NOVA2: variants seen among roughly 807,000 people sequenced by gnomAD.
The protein encoded by NOVA2 is RNA-binding protein Nova-2.
NOVA2 carries 9 observed loss-of-function variants against 22.5 expected under a neutral mutation model. The ratio of observed to expected loss-of-function variants is 0.40; its 90% CI spans 0.24 to 0.70. The LOEUF is 0.70. Ranked by LOEUF, NOVA2 falls within the 30% of genes least tolerant of loss-of-function variation. The pLI is 0.38. For missense variants in NOVA2, 383 were observed against 682.8 expected (o/e 0.56, Z 4.89); for synonymous variants, 318 against 335.2 (o/e 0.95, Z 0.56).
intron 2 of NOVA2, among the ~76,000 whole-genome samples, chr19:45,959,695 GGAGA>G (rs146063602): frequency 1.3e-5 from 2 of 149,008 alleles, no homozygotes; most frequent in South Asian, 2.1e-4. Flanking sequence ...GGTGGATGGT[GGAGA>G]GAGAGAGAGA....
chr19:45,948,347 C>A (rs974489241), intron 3 of NOVA2, among the ~76,000 whole-genome samples: 1 of 152,036 alleles, frequency 6.6e-6, no homozygotes, highest in African/African-American at 2.4e-5. Context: ...TGCCTGTAAT[C>A]CCAGAACTTT....
At chr19:45,949,506 A>T (rs1037720743) in intron 3 of NOVA2, among the ~76,000 whole-genome samples, 2 of 152,100 alleles carry the variant, frequency 1.3e-5, no homozygotes, top group Non-Finnish European at 2.9e-5. Context: ...ATGTGGGAAA[A>T]ATAAAGTTAG....
intron 2 of NOVA2, among the ~76,000 whole-genome samples, chr19:45,960,102 T>G (rs1968073301): frequency 7.1e-6 from 1 of 140,288 alleles, no homozygotes; most frequent in African/African-American, 2.7e-5. Flanking sequence ...GGGAGAAGGA[T>G]GGAGCAGGGG....
chr19:45,946,317 T>C (rs1268969377), intron 3 of NOVA2, among the ~76,000 whole-genome samples: 1 of 152,158 alleles, frequency 6.6e-6, no homozygotes, highest in Non-Finnish European at 1.5e-5. Flanking sequence ...AAAAGGAATC[T>C]TCATTTATTC....
intron 3 of NOVA2, among the ~76,000 whole-genome samples, chr19:45,943,897 T>C (rs953525548): frequency 7.9e-5 from 12 of 152,156 alleles, no homozygotes; most frequent in African/African-American, 2.9e-4. Flanking sequence ...CTACTGAAAT[T>C]TCCAGGAACG....
rs192124883 is a variant in NOVA2 at position 45,956,140 on chromosome 19, C to G, written c.230-2194G>C. Among the ~76,000 whole-genome samples the G allele has an allele frequency of 5.6e-4, 85 of 152,300 alleles. No homozygotes were observed. The East Asian group carries it at 0.012, about 22-fold the overall frequency. ...CATGTTCCTCACTCTTACTACCCCC[C>G]CTTCCCCACCCCAGAACAATGGCTT... is the stretch of plus-strand genomic sequence containing the variant. On this transcript the variant is annotated intron_variant, in intron 2 of 3. Transcript: ENST00000263257.
intron 2 of NOVA2, among the ~76,000 whole-genome samples, chr19:45,954,737 A>C (rs925316908): frequency 4.2e-5 from 6 of 142,976 alleles, no homozygotes; most frequent in Non-Finnish European, 7.5e-5. Context: ...TTTCTGCATG[A>C]GAGTGTTAGG....
chr19:45,967,908 A>T (rs1005991283), intron 1 of NOVA2: 1 of 151,520 alleles, frequency 6.6e-6, no homozygotes, highest in South Asian at 2.1e-4. Flanking sequence ...GCGCCACTGC[A>T]CTCCAGCCGG....
chr19:45,941,028 G>C (rs770214107), intron 3 of NOVA2, 83 bp from the exon 4 acceptor site: 1 of 1,329,790 alleles, frequency 7.5e-7, no homozygotes, highest in Admixed American at 2.6e-5. Flanking sequence ...GGTGGCTGTC[G>C]CCTGTAATCC....
rs140252277 is a variant in NOVA2 at position 45,954,226 on chromosome 19, C to A, written c.230-280G>T. Among the ~76,000 whole-genome samples the A allele has an allele frequency of 2.8e-4, 42 of 152,344 alleles. 1 individual carries two copies. The East Asian group carries it at 8.1e-3, about 29-fold the overall frequency. ...CTTAAATGTTTTGCGATGCCCACAG[C>A]AGCCCTGGGCAGGGGAGACAGGGCT... On this transcript the variant is annotated intron_variant, in intron 2 of 3. Coordinates refer to ENST00000263257, the MANE Select transcript of NOVA2 (RefSeq NM_002516.4).
rs751732350 is a variant in NOVA2 at position 45,973,351 on chromosome 19, T to TGG, written c.-2_-1dup. ...CGGGAATCCGGGGCCTCGGGCTCCA[T>TGG]GGGGGGGGCCTGGGGCGGCGGCTGC... On this transcript the variant is annotated 5_prime_UTR_variant, in exon 1 of 4. Transcript: ENST00000263257. 7.6e-6 allele frequency: 8 copies of TGG among 1,046,008 alleles called. No homozygotes were observed. The highest frequency in any genetic ancestry group is 8.4e-6 in the Non-Finnish European group (7 of 833,168). The allele number at this position is 1,046,008 out of a possible 1,614,324, so 64.8% of individuals were successfully genotyped here.
chr19:45,958,668 TGTGA>T (rs1207450874), intron 2 of NOVA2, among the ~76,000 whole-genome samples: 4 of 152,034 alleles, frequency 2.6e-5, no homozygotes, highest in Admixed American at 6.6e-5. Context: ...CATGTGAGAG[TGTGA>T]GTGTGTGTGC....
chr19:45,950,396 G>A (rs888195989), intron 3 of NOVA2, among the ~76,000 whole-genome samples: 30 of 151,698 alleles, frequency 2.0e-4, no homozygotes, highest in African/African-American at 5.8e-4. Flanking sequence ...CCTGACCTCA[G>A]GTGATCCACC....
chr19:45,949,720 A>G (rs1967894405), intron 3 of NOVA2, among the ~76,000 whole-genome samples: 1 of 150,144 alleles, frequency 6.7e-6, no homozygotes, highest in Non-Finnish European at 1.5e-5. Context: ...ACAACACAGC[A>G]AGGTCCAAAT....
At position 45,973,295 on chromosome 19, in the gene NOVA2, C is replaced by A; in HGVS notation, c.57G>T (p.Val19=). 2 of 1,388,788 alleles carry A rather than the reference C, an allele frequency of 1.4e-6. No individual in the cohort carries two copies. Among genetic ancestry groups the A allele is most frequent in the East Asian group, 2.9e-5 (1 of 34,542 alleles). 86.0% of individuals were successfully genotyped at this position (1,388,788 alleles called of 1,614,324 possible). A position where few individuals can be genotyped will look rare whatever the true frequency, so the allele number is the denominator to read the frequency against. ...CCGTGTTGCTGCGCTTGGTGCAGAC[C>A]ACCTCGGGGGGCGTTTCGAGGGGCC... ...RKRPLETPPE[V]VCTKRSNTGE... is the part of the protein sequence containing the mutation. Residue 19 remains valine (V), a synonymous_variant, in exon 1 of 4, where the codon GTG becomes GTT. Transcript: ENST00000263257.
chr19:45,941,028 G>A (rs770214107), intron 3 of NOVA2, 83 bp from the exon 4 acceptor site: 50 of 1,329,796 alleles, frequency 3.8e-5, no homozygotes, highest in Admixed American at 5.1e-5. Flanking sequence ...GGTGGCTGTC[G>A]CCTGTAATCC....
chr19:45,955,351 CAGGT>C (rs1967989108), intron 2 of NOVA2, among the ~76,000 whole-genome samples: 1 of 152,124 alleles, frequency 6.6e-6, no homozygotes, highest in South Asian at 2.1e-4. Context: ...GAGAGACAGA[CAGGT>C]AGACTCAGGT....
At chr19:45,946,102 G>A (rs1483460245) in intron 3 of NOVA2, among the ~76,000 whole-genome samples, 2 of 150,632 alleles carry the variant, frequency 1.3e-5, no homozygotes, top group African/African-American at 4.9e-5. Flanking sequence ...CTCACAAGTT[G>A]TACAGCCTGG....
intron 2 of NOVA2, among the ~76,000 whole-genome samples, chr19:45,954,233 G>A (rs551324588): frequency 3.9e-5 from 6 of 152,226 alleles, no homozygotes; most frequent in Non-Finnish European, 8.8e-5. Flanking sequence ...CAGCAGCCCT[G>A]GGCAGGGGAG....
Sources: gnomAD v4.1 joint callset for allele counts (sites outside exome capture counted in the v4.1 genomes callset) on GRCh38, gnomAD v4.1.1 for gene constraint, MANE v1.5 for transcripts, NCBI Gene and HGNC (gene_info 2026-07-23, HGNC 2026-07-21) for gene names.